MERTK: variants seen among roughly 807,000 people sequenced by gnomAD.
MERTK encodes the protein MER proto-oncogene, tyrosine kinase.
MERTK carries 69 observed loss-of-function variants against 99.3 expected under a neutral mutation model. The ratio of observed to expected loss-of-function variants is 0.70; its 90% CI spans 0.57 to 0.85. The LOEUF (loss-of-function observed/expected upper bound fraction) is 0.85, where lower values mean the gene tolerates loss of function less well. MERTK is among the 40% of genes least tolerant of loss of function. The pLI, the probability that MERTK is intolerant of heterozygous loss-of-function variation, is 0.00. For missense variants in MERTK, 1,125 were observed against 1,249.4 expected, an observed-to-expected ratio of 0.90 and a Z score of 1.50; for synonymous variants, 426 against 467.6, an observed-to-expected ratio of 0.91 and a Z score of 1.15.
In MERTK at chr2:111,937,576, G is replaced by A. The variant is rs150494691; in HGVS notation, c.483-7384G>A. Among the ~76,000 whole-genome samples, 822 of 152,254 alleles carry A rather than the reference G, an allele frequency of 5.4e-3. 8 individuals carry two copies. The highest frequency in any genetic ancestry group is 0.019 in the African/African-American group (793 of 41,518). ...TGCTGTGTTTTCGGGGCCCCCATGG[G>A]CTCTCTGTGCTGGGCTTTTCCCTCC... On this transcript the variant is annotated intron_variant, in intron 2 of 18. Transcript: ENST00000295408.
rs560258635 is a variant in MERTK, at chr2:111,907,980, C to T, written c.61+9184C>T. On this transcript the variant is annotated intron_variant, in intron 1 of 18. Transcript: ENST00000295408. ...TGGCCCTGCCTTGTGTATGTCCAAG[C>T]TATTCTGTGCCACCTCTTTCGTTAC... Among the ~76,000 whole-genome samples, 4 of 152,296 alleles carry T rather than the reference C, an allele frequency of 2.6e-5. No homozygotes were observed. The East Asian group carries it at 7.7e-4, about 29-fold the overall frequency.
chr2:112,022,538 C>T, intron 18 of MERTK, 144 bp downstream of exon 18: 2 of 1,223,468 alleles, frequency 1.6e-6, no homozygotes, highest in Non-Finnish European at 2.4e-6. Context: ...AACCCACAGA[C>T]ACCCCAGCCC....
chr2:111,916,213 G>A (rs1684346617), intron 1 of MERTK, among the ~76,000 whole-genome samples: 1 of 151,996 alleles, frequency 6.6e-6, no homozygotes, highest in Admixed American at 6.6e-5. Flanking sequence ...TGCAAGCTCC[G>A]CCTCCCGGGT....
chr2:111,940,941 A>C, intron 2 of MERTK: 1 of 665,920 alleles, frequency 1.5e-6, no homozygotes. Flanking sequence ...TCTGGTCTTC[A>C]AGCCAAACAG....
chr2:111,941,985 G>A (rs533480426), intron 2 of MERTK, among the ~76,000 whole-genome samples: 16 of 152,182 alleles, frequency 1.1e-4, no homozygotes, highest in South Asian at 6.2e-4. Context: ...GTGCCTCATA[G>A]TTTCTCGGCT....
intron 2 of MERTK, among the ~76,000 whole-genome samples, 189 bp from the exon 3 acceptor site, chr2:111,944,771 G>A (rs940556251): frequency 2.1e-4 from 32 of 152,178 alleles, no homozygotes; most frequent in African/African-American, 7.7e-4. Context: ...CTAGTGACAT[G>A]TGAAAAGTAC....
At chr2:111,917,709 A>G (rs938767315) in intron 1 of MERTK, among the ~76,000 whole-genome samples, 1 of 152,074 alleles carries the variant, frequency 6.6e-6, no homozygotes, top group African/African-American at 2.4e-5. Context: ...ACATGGTGAA[A>G]CCCCGTCTCT....
intron 4 of MERTK, among the ~76,000 whole-genome samples, chr2:111,948,772 G>C (rs1396043322): frequency 6.6e-6 from 1 of 151,952 alleles, no homozygotes. Context: ...TTCCTAACTG[G>C]GCCTTTTTGC....
intron 1 of MERTK, among the ~76,000 whole-genome samples, chr2:111,906,746 TAAAA>T (rs779989251): frequency 6.6e-6 from 1 of 152,004 alleles, no homozygotes; most frequent in Non-Finnish European, 1.5e-5. Context: ...TTGGAGCAAA[TAAAA>T]AAAAGAAGCT....
Position 111,914,429 on chromosome 2 carries a change from C to T in MERTK, c.62-14691C>T, listed in dbSNP as rs979716052. ...AGTAGCTGGGACTGCAGGTGTGAGC[C>T]ACTGCGCCCGGCCTAATTTTTGTAT... is the stretch of plus-strand genomic sequence containing the variant. On this transcript the variant is annotated intron_variant, in intron 1 of 18. Transcript: ENST00000295408. Among the ~76,000 whole-genome samples the T allele has an allele frequency of 3.3e-5, 5 of 152,232 alleles. No homozygotes were observed. The East Asian group carries it at 9.7e-4, about 29-fold the overall frequency.
At chr2:112,018,892 T>C (rs945036285) in intron 15 of MERTK, among the ~76,000 whole-genome samples, 2 of 152,228 alleles carry the variant, frequency 1.3e-5, no homozygotes, top group Non-Finnish European at 2.9e-5. Flanking sequence ...CTCTCCTAAT[T>C]TCTGTTTAGA....
chr2:111,973,136 C>T lies in MERTK; in HGVS notation c.961-2153C>T, dbSNP rs565479730. ...CTTCATGCCTGTTTTCCCTGAGGAC[C>T]CACTGACTGAGAAGGACTGTTATAG... On this transcript the variant is annotated intron_variant, in intron 6 of 18. Coordinates refer to ENST00000295408, the MANE Select transcript of MERTK (RefSeq NM_006343.3). 1.3e-4 allele frequency among the ~76,000 whole-genome samples: 20 copies of T among 152,244 alleles called. No homozygotes were observed. The East Asian group carries it at 3.9e-3, about 29-fold the overall frequency.
chr2:111,997,784 G>A (rs1183445556), intron 10 of MERTK, among the ~76,000 whole-genome samples: 1 of 152,206 alleles, frequency 6.6e-6, no homozygotes, highest in African/African-American at 2.4e-5. Flanking sequence ...GAGTGCGGTG[G>A]CTCACACCTG....
chr2:111,928,736 T>C (rs752111955), intron 1 of MERTK, among the ~76,000 whole-genome samples: 6 of 152,310 alleles, frequency 3.9e-5, no homozygotes, highest in Non-Finnish European at 7.4e-5. Flanking sequence ...TCCTCCTGTC[T>C]CGACCTCCCA....
intron 4 of MERTK, among the ~76,000 whole-genome samples, chr2:111,955,260 A>G (rs1345163606): frequency 6.6e-6 from 1 of 152,148 alleles, no homozygotes; most frequent in Non-Finnish European, 1.5e-5. Context: ...TCTGTGTTGT[A>G]TGAGCTTTCT....
At chr2:111,980,666 C>G (rs1204753939) in intron 7 of MERTK, among the ~76,000 whole-genome samples, 1 of 152,080 alleles carries the variant, frequency 6.6e-6, no homozygotes, top group Admixed American at 6.5e-5. Context: ...GACCCACCCG[C>G]CTCGGCCTCC....
At chr2:111,993,939 A>C (rs76514293) in intron 8 of MERTK, among the ~76,000 whole-genome samples, 36,267 of 152,154 alleles carry the variant, frequency 0.24, 4,655 homozygotes, top group South Asian at 0.32. Context: ...TTGAGGAGTC[A>C]GGCTTGCTCT....
chr2:111,923,256 G>A (rs1336813504), intron 1 of MERTK, among the ~76,000 whole-genome samples: 1 of 152,238 alleles, frequency 6.6e-6, no homozygotes, highest in East Asian at 1.9e-4. Context: ...AAAATGGGCA[G>A]TATGTGAATA....
intron 2 of MERTK, among the ~76,000 whole-genome samples, chr2:111,932,162 C>T (rs540880794): frequency 1.2e-4 from 19 of 152,224 alleles, no homozygotes; most frequent in East Asian, 7.7e-4. Flanking sequence ...GCAAATTTAG[C>T]GATCAGAATT....
Sources: allele counts gnomAD v4.1 joint callset (sites outside exome capture counted in the v4.1 genomes callset), GRCh38; gene constraint gnomAD v4.1.1; transcripts MANE v1.5; gene names NCBI Gene and HGNC (gene_info 2026-07-23, HGNC 2026-07-21).